FRMD4B: variants seen among roughly 807,000 people sequenced by gnomAD.
The protein encoded by FRMD4B is FERM domain-containing protein 4B.
In FRMD4B, 74 loss-of-function variants were observed where a neutral mutation model predicts 141.5. That is an observed-to-expected ratio of 0.52 (90% CI 0.43 to 0.63). The LOEUF is 0.63. FRMD4B is among the 30% of genes least tolerant of loss of function. The pLI, the probability that FRMD4B is intolerant of heterozygous loss-of-function variation, is 0.00. For missense variants in FRMD4B, 1,366 were observed against 1,253.4 expected (o/e 1.09, Z -1.36); for synonymous variants, 506 against 467.9 (o/e 1.08, Z -1.05).
At chr3:69,260,553 C>G (rs1008220002) in intron 5 of FRMD4B, among the ~76,000 whole-genome samples, 1 of 152,228 alleles carries the variant, frequency 6.6e-6, no homozygotes, top group Non-Finnish European at 1.5e-5. Flanking sequence ...GCCTGAGCCC[C>G]CCCTTGGTGG....
At chr3:69,354,217 C>T (rs766593293) in intron 1 of FRMD4B, among the ~76,000 whole-genome samples, 17 of 152,086 alleles carry the variant, frequency 1.1e-4, no homozygotes, top group Non-Finnish European at 1.8e-4. Context: ...AGATTCATTT[C>T]ACTATTTGCA....
chr3:69,245,353 G>GTTTTT (rs201216459), intron 7 of FRMD4B, among the ~76,000 whole-genome samples: 15 of 126,036 alleles, frequency 1.2e-4, no homozygotes, highest in African/African-American at 4.2e-4. Context: ...GTGTGTGTGT[G>GTTTTT]TTTTTAGACA....
chr3:69,332,742 ATTTTTTTTTTTTTTT>A (rs58437578), intron 1 of FRMD4B, among the ~76,000 whole-genome samples: 3 of 67,510 alleles, frequency 4.4e-5, no homozygotes, highest in East Asian at 6.0e-4. Flanking sequence ...ACACCTGGCT[ATTTTTTTTTTTTTTT>A]TTTTTTTTTT....
intron 17 of FRMD4B, 148 bp from the exon 18 acceptor site, chr3:69,190,100 G>T: frequency 1.7e-6 from 1 of 573,968 alleles, no homozygotes. Context: ...ACCATAGTAA[G>T]AATGGACTCA....
chr3:69,245,601 C>T (rs965524285), intron 7 of FRMD4B, among the ~76,000 whole-genome samples: 1 of 151,900 alleles, frequency 6.6e-6, no homozygotes, highest in African/African-American at 2.4e-5. Context: ...CCTATCTCGG[C>T]CTCCTAAAAT....
In FRMD4B at chr3:69,241,479, T is replaced by C. The variant is rs546708962; in HGVS notation, c.581+7747A>G. Among the ~76,000 whole-genome samples the C allele has an allele frequency of 1.4e-3, 207 of 152,324 alleles. 1 individual carries two copies. The highest frequency in any genetic ancestry group is 6.3e-4 in the Non-Finnish European group (43 of 68,034). On this transcript the variant is annotated intron_variant, in intron 7 of 22. Transcript: ENST00000398540. ...TTCTCAAGAGTTTTCACAAAAGTGTTTTGTTGATTCATCAAAGGCCCGACC... is the reference window on the plus strand; with the variant it reads ...TTCTCAAGAGTTTTCACAAAAGTGTCTTGTTGATTCATCAAAGGCCCGACC...
At chr3:69,201,011 C>A (rs1321563366) in intron 11 of FRMD4B, 1 of 301,396 alleles carries the variant, frequency 3.3e-6, no homozygotes, top group Non-Finnish European at 6.8e-6. Context: ...GCATTGAGAG[C>A]AAATACGCTC....
intron 2 of FRMD4B, 128 bp downstream of exon 2, chr3:69,313,324 A>G: frequency 1.4e-6 from 1 of 724,158 alleles, no homozygotes; most frequent in Non-Finnish European, 2.5e-6. Context: ...CTTTGAGGCA[A>G]AGATAACAGA....
intron 1 of FRMD4B, among the ~76,000 whole-genome samples, chr3:69,337,836 G>C (rs1702606516): frequency 6.6e-6 from 1 of 152,162 alleles, no homozygotes; most frequent in African/African-American, 2.4e-5. Context: ...TGGAGAAATA[G>C]GAACACTTTG....
At chr3:69,233,022 G>A (rs980668271) in intron 7 of FRMD4B, among the ~76,000 whole-genome samples, 2 of 150,828 alleles carry the variant, frequency 1.3e-5, no homozygotes, top group Non-Finnish European at 3.0e-5. Context: ...AAAGTACTGG[G>A]ATTACAGGCA....
intron 2 of FRMD4B, among the ~76,000 whole-genome samples, chr3:69,422,711 A>T (rs1223876822): frequency 6.6e-6 from 1 of 152,212 alleles, no homozygotes; most frequent in Non-Finnish European, 1.5e-5. Flanking sequence ...ATAAAACTTT[A>T]TCTGTGGACG....
intron 1 of FRMD4B, among the ~76,000 whole-genome samples, chr3:69,487,468 C>T (rs1706233897): frequency 6.6e-6 from 1 of 152,106 alleles, no homozygotes; most frequent in Non-Finnish European, 1.5e-5. Flanking sequence ...CCCAGCCTAT[C>T]TGGAAGAGAA....
Position 69,182,707 on chromosome 3 carries a change from A to G in FRMD4B, c.1930T>C (p.Ser644Pro), listed in dbSNP as rs2092721126. The G allele has an allele frequency of 1.2e-6, 2 of 1,612,050 alleles. No individual in the cohort carries two copies. Among genetic ancestry groups the G allele is most frequent in the South Asian group, 1.1e-5 (1 of 90,904 alleles). ...VDTRQSREML[S>P]THSSPYKTLE... is the part of the protein sequence containing the mutation. ...GTTTTGTAAGGGCTGCTGTGTGTGG[A>G]CAGCATTTCTCTGTGATGATAAAAA... Residue 644 changes from serine to proline, a missense_variant, in exon 20 of 23, where the codon TCC becomes CCC. Ser to Pro is a moderately conservative substitution (Grantham distance 74). Transcript: ENST00000398540.
chr3:69,231,743 G>A (rs2093307204), intron 7 of FRMD4B, among the ~76,000 whole-genome samples: 2 of 152,224 alleles, frequency 1.3e-5, no homozygotes, highest in South Asian at 4.1e-4. Context: ...TTATGGGGAG[G>A]TGCTGCAACG....
chr3:69,366,260 A>AAAAAAC (rs1199679568), intron 1 of FRMD4B, among the ~76,000 whole-genome samples: 2 of 135,856 alleles, frequency 1.5e-5, no homozygotes, highest in East Asian at 2.0e-4. Flanking sequence ...GCTCTGTCTC[A>AAAAAAC]AAAAACAAAA....
intron 3 of FRMD4B, 106 bp downstream of exon 3, chr3:69,311,157 T>C (rs1701574039): frequency 1.8e-6 from 1 of 560,308 alleles, no homozygotes; most frequent in Non-Finnish European, 3.3e-6. Context: ...AAGCAGGACA[T>C]GTTCTGAATG....
intron 1 of FRMD4B, 140 bp downstream of exon 1, chr3:69,385,688 G>T: frequency 1.5e-6 from 1 of 660,124 alleles, no homozygotes; most frequent in Non-Finnish European, 2.3e-6. Context: ...TAGAGCTGCT[G>T]AGCGTTTGAC....
intron 1 of FRMD4B, among the ~76,000 whole-genome samples, chr3:69,468,310 T>C (rs1004787634): frequency 2.6e-5 from 4 of 152,206 alleles, no homozygotes; most frequent in Non-Finnish European, 4.4e-5. Context: ...TCCCTTTTCA[T>C]TTATATTTTT....
At chr3:69,463,058 A>C (rs1279279787) in intron 1 of FRMD4B, among the ~76,000 whole-genome samples, 1 of 152,202 alleles carries the variant, frequency 6.6e-6, no homozygotes, top group Non-Finnish European at 1.5e-5. Flanking sequence ...CCAAGCTTTC[A>C]TTTTGTAATG....
Sources: gnomAD v4.1 joint callset for allele counts (sites outside exome capture counted in the v4.1 genomes callset) on GRCh38, gnomAD v4.1.1 for gene constraint, MANE v1.5 for transcripts, NCBI Gene and HGNC (gene_info 2026-07-23, HGNC 2026-07-21) for gene names.